The following SNTB2 variants were observed in gnomAD, a reference collection of about 807,000 sequenced individuals.
SNTB2 encodes beta-2-syntrophin.
SNTB2 carries 34 observed loss-of-function variants against 46.2 expected under a neutral mutation model. The observed-to-expected ratio is 0.74, with a 90% CI of 0.56 to 0.98. SNTB2 has a LOEUF of 0.98. SNTB2 is among the 50% of genes least tolerant of loss of function. The pLI is 0.00. For synonymous variants in SNTB2, 290 were observed against 312.6 expected (o/e 0.93, Z 0.76); for missense variants, 603 against 731.4 (o/e 0.82, Z 2.02).
At chr16:69,232,438 C>T (rs1221265080) in intron 1 of SNTB2, among the ~76,000 whole-genome samples, 2 of 146,910 alleles carry the variant, frequency 1.4e-5, no homozygotes, top group Non-Finnish European at 3.0e-5. Flanking sequence ...ATCTCCTGAC[C>T]TTGTGATCTG....
Position 69,300,970 on chromosome 16 carries a change from T to A in SNTB2, c.*46T>A. 1 of 1,212,432 alleles carries A rather than the reference T, an allele frequency of 8.2e-7. No individual in the cohort carries two copies. The highest frequency in any genetic ancestry group is 1.2e-6 in the Non-Finnish European group (1 of 836,136). 75.1% of individuals were successfully genotyped at this position (1,212,432 alleles called of 1,614,324 possible). On this transcript the variant is annotated 3_prime_UTR_variant, in exon 7 of 7. Coordinates refer to ENST00000336278, the MANE Select transcript of SNTB2 (RefSeq NM_006750.4). ...AGCCTTGACTGTCACAAGAAATATT[T>A]CCACCTCAAAAAAAAAAAAGCACAA... is the stretch of plus-strand genomic sequence containing the variant.
At chr16:69,246,117 T>G (rs1964668285) in intron 2 of SNTB2, among the ~76,000 whole-genome samples, 2 of 152,170 alleles carry the variant, frequency 1.3e-5, no homozygotes, top group South Asian at 4.1e-4. Flanking sequence ...TTCTGTAATG[T>G]TGTTATTACT....
chr16:69,220,539 T>G (rs573664385), intron 1 of SNTB2, among the ~76,000 whole-genome samples: 30 of 151,920 alleles, frequency 2.0e-4, no homozygotes, highest in South Asian at 6.2e-4. Context: ...GTTTTGTTTT[T>G]TTTTTTGAGA....
intron 2 of SNTB2, among the ~76,000 whole-genome samples, chr16:69,255,508 C>T (rs969240033): frequency 1.1e-4 from 16 of 150,890 alleles, no homozygotes; most frequent in Non-Finnish European, 2.1e-4. Context: ...TGCAGTGAGC[C>T]GAGATCACGA....
chr16:69,245,536 C>G, intron 1 of SNTB2, 66 bp from the exon 2 acceptor site: 2 of 1,449,834 alleles, frequency 1.4e-6, no homozygotes, highest in Non-Finnish European at 1.9e-6. Context: ...TATGTGAATA[C>G]TTTAGTTATC....
chr16:69,237,743 C>A (rs542009912), intron 1 of SNTB2, among the ~76,000 whole-genome samples: 139 of 152,010 alleles, frequency 9.1e-4, no homozygotes, highest in Non-Finnish European at 1.5e-3. Flanking sequence ...GCTGGGATTA[C>A]AGGCATGTGC....
At chr16:69,293,786 G>A (rs954860364) in intron 5 of SNTB2, among the ~76,000 whole-genome samples, 1 of 152,170 alleles carries the variant, frequency 6.6e-6, no homozygotes, top group Non-Finnish European at 1.5e-5. Flanking sequence ...GGAAGGTGGA[G>A]GTAGATGCAA....
intron 2 of SNTB2, among the ~76,000 whole-genome samples, 180 bp downstream of exon 2, chr16:69,245,995 A>G (rs1055390705): frequency 1.3e-5 from 2 of 152,182 alleles, no homozygotes; most frequent in Non-Finnish European, 2.9e-5. Context: ...ATATGTGTAG[A>G]AAAAATTTTG....
intron 5 of SNTB2, among the ~76,000 whole-genome samples, chr16:69,297,425 CTG>C (rs1411016232): frequency 6.6e-6 from 1 of 150,998 alleles, no homozygotes; most frequent in African/African-American, 2.4e-5. Context: ...TGAGACCAGC[CTG>C]ACCAACATGG....
chr16:69,260,069 C>T lies in SNTB2; in HGVS notation c.814C>T (p.Pro272Ser), dbSNP rs747032097. 1 of 1,613,410 alleles carries T rather than the reference C, an allele frequency of 6.2e-7. No individual in the cohort carries two copies. The highest frequency in any genetic ancestry group is 8.5e-7 in the Non-Finnish European group (1 of 1,179,772). The change falls in exon 3 of 7, where the codon CCT (proline) becomes TCT (serine). Residue 272 changes from proline (P) to serine (S), a missense_variant. This residue lies in a region of SNTB2 where 537 missense variants were observed against 692.4 expected (regional missense o/e 0.78). Coordinates refer to ENST00000336278, the MANE Select transcript of SNTB2 (RefSeq NM_006750.4). ...ACACAGATTGATAGAGCTACATTCT[C>T]CTGATAGCAGGAACACGTTGATCCT... Reference protein sequence around the residue: ...LENRLIELHSPDSRNTLILRC... With the variant: ...LENRLIELHSSDSRNTLILRC...
intron 1 of SNTB2, among the ~76,000 whole-genome samples, chr16:69,226,218 C>G (rs1205875540): frequency 2.6e-5 from 4 of 151,954 alleles, no homozygotes; most frequent in Non-Finnish European, 4.4e-5. Flanking sequence ...AATACAGGCA[C>G]CCGCCATCAT....
chr16:69,287,297 C>T (rs1416187113), intron 5 of SNTB2, among the ~76,000 whole-genome samples: 1 of 151,958 alleles, frequency 6.6e-6, no homozygotes, highest in Non-Finnish European at 1.5e-5. Context: ...GGGCCGGACG[C>T]GGTGGCTCAT....
At chr16:69,265,681 G>T (rs1964877046) in intron 3 of SNTB2, among the ~76,000 whole-genome samples, 1 of 151,614 alleles carries the variant, frequency 6.6e-6, no homozygotes, top group East Asian at 2.0e-4. Context: ...ACAAAACTTA[G>T]CTGGACGTGG....
chr16:69,199,595 C>CAAAAAAAAAAAAAAAAA lies in SNTB2; in HGVS notation c.580+11865_580+11866insAAAAAAAAAAAAAAAAA, dbSNP rs60011703. On this transcript the variant is annotated intron_variant, in intron 1 of 6. Coordinates refer to ENST00000336278, the MANE Select transcript of SNTB2 (RefSeq NM_006750.4). ...TGGACAACAGAGTGAAACACTGCCT[C>CAAAAAAAAAAAAAAAAA]AAAAAAAAAAAAAAAAGGCGATCTT... 6.9e-4 allele frequency among the ~76,000 whole-genome samples: 53 copies of CAAAAAAAAAAAAAAAAA among 76,844 alleles called. 1 individual carries two copies. The highest frequency in any genetic ancestry group is 7.9e-4 in the South Asian group (2 of 2,536). The allele number at this position is 76,844 out of a possible 152,430, so 50.4% of individuals were successfully genotyped here.
intron 2 of SNTB2, among the ~76,000 whole-genome samples, chr16:69,248,424 A>G (rs1964691771): frequency 6.6e-6 from 1 of 152,170 alleles, no homozygotes; most frequent in Non-Finnish European, 1.5e-5. Flanking sequence ...ACTTCAGTTC[A>G]GGAGTTCAAG....
intron 1 of SNTB2, among the ~76,000 whole-genome samples, chr16:69,201,790 G>A (rs1054483822): frequency 6.6e-6 from 1 of 152,102 alleles, no homozygotes; most frequent in Non-Finnish European, 1.5e-5. Flanking sequence ...ATAATTTTGA[G>A]TTTGGTTAAA....
At chr16:69,243,888 AT>A (rs1451010460) in intron 1 of SNTB2, among the ~76,000 whole-genome samples, 3 of 150,676 alleles carry the variant, frequency 2.0e-5, no homozygotes, top group African/African-American at 7.5e-5. Context: ...GAATTGTTAT[AT>A]TTTTTATTAT....
intron 1 of SNTB2, among the ~76,000 whole-genome samples, chr16:69,195,174 CA>C (rs1227517046): frequency 1.3e-5 from 2 of 152,110 alleles, no homozygotes; most frequent in Non-Finnish European, 2.9e-5. Flanking sequence ...ATATAGAGCT[CA>C]GGGGCAGCTT....
rs1168618640 is a variant in SNTB2, at chr16:69,266,766, GAGTACAGT to G, written c.1006-3370_1006-3363del. On this transcript the variant is annotated intron_variant, in intron 3 of 6. Transcript: ENST00000336278. ...GGGTCTCACTCTGTTGCCCAGGCTG[GAGTACAGT>G]AGTACAATCTCAGCTCACTGCAACT... Among the ~76,000 whole-genome samples the G allele has an allele frequency of 4.6e-5, 7 of 151,900 alleles. No homozygotes were observed. The East Asian group carries it at 1.4e-3, about 29-fold the overall frequency.
Sources: gnomAD v4.1 joint callset for allele counts (sites outside exome capture counted in the v4.1 genomes callset) on GRCh38, gnomAD v4.1.1 for gene constraint, gnomAD v4.1.1 regional missense constraint, MANE v1.5 for transcripts, NCBI Gene and HGNC (gene_info 2026-07-23, HGNC 2026-07-21) for gene names.